Variants in RUNX2 observed in about 807,000 individuals in gnomAD.
RUNX2 encodes the protein runt-related transcription factor 2.
Under a neutral mutation model 51.7 loss-of-function variants are expected in RUNX2, and 10 were observed. That is an observed-to-expected ratio of 0.19 (90% CI 0.12 to 0.33). The LOEUF is 0.33. Among genes scored for constraint, RUNX2 ranks in the 10% least tolerant of loss-of-function variants. The probability of loss-of-function intolerance (pLI) is 1.00; values close to 1 mark genes in which losing one functional copy is unlikely to be tolerated. For missense variants in RUNX2, 562 were observed against 691.3 expected (o/e 0.81, Z 2.10); for synonymous variants, 276 against 273.6 (o/e 1.01, Z -0.09).
intron 7 of RUNX2, among the ~76,000 whole-genome samples, chr6:45,530,265 A>G (rs1426962677): frequency 1.3e-5 from 2 of 152,226 alleles, no homozygotes; most frequent in African/African-American, 4.8e-5. Context: ...AAATTATAGA[A>G]TGTCTAGTTA....
intron 5 of RUNX2, among the ~76,000 whole-genome samples, chr6:45,460,810 G>T (rs1799455310): frequency 6.6e-6 from 1 of 152,180 alleles, no homozygotes; most frequent in Non-Finnish European, 1.5e-5. Context: ...AAACCACTTT[G>T]TCTCTCAGAG....
rs553643936 is a variant in RUNX2, at chr6:45,410,980, T to C, written c.59-11613T>C. Among the ~76,000 whole-genome samples the C allele has an allele frequency of 1.9e-4, 29 of 152,296 alleles. No homozygotes were observed. In the South Asian group the frequency reaches 5.8e-3, roughly 30 times the overall value. On this transcript the variant is annotated intron_variant, in intron 2 of 8. Transcript: ENST00000647337. ...TTCCCACTTTTCAGTCTACCCAATC[T>C]TTTAGGATGTGCAGAGAAGAAGTGT...
In RUNX2 at chr6:45,547,341, C is replaced by T; in HGVS notation, c.*36C>T. Reference sequence around the variant, plus strand: ...CAGTGGCCCAGTGGTATCTGGGGGCCACATCCCACACGTATCAATATATAC... The same window carrying T: ...CAGTGGCCCAGTGGTATCTGGGGGCTACATCCCACACGTATCAATATATAC... On this transcript the variant is annotated 3_prime_UTR_variant, in exon 9 of 9. Coordinates refer to ENST00000647337, the MANE Select transcript of RUNX2 (RefSeq NM_001024630.4). The T allele has an allele frequency of 7.0e-7, 1 of 1,436,594 alleles. No individual in the cohort carries two copies. Among genetic ancestry groups the T allele is most frequent in the South Asian group, 1.1e-5 (1 of 87,480 alleles). 89.0% of individuals were successfully genotyped at this position (1,436,594 alleles called of 1,614,324 possible). A position where few individuals can be genotyped will look rare whatever the true frequency, so the allele number is the denominator to read the frequency against.
chr6:45,362,594 C>T (rs1337969952), intron 2 of RUNX2, among the ~76,000 whole-genome samples: 4 of 152,000 alleles, frequency 2.6e-5, no homozygotes, highest in Non-Finnish European at 4.4e-5. Flanking sequence ...CAATTTTGGC[C>T]CTATTTCCCT....
At chr6:45,422,514 T>G in intron 2 of RUNX2, 79 bp from the exon 3 acceptor site, 1 of 796,928 alleles carries the variant, frequency 1.3e-6, no homozygotes. Flanking sequence ...AATTTCCTCC[T>G]TGCCCCTCAT....
At chr6:45,426,600 G>GT (rs1258624407) in intron 3 of RUNX2, among the ~76,000 whole-genome samples, 1 of 152,160 alleles carries the variant, frequency 6.6e-6, no homozygotes, top group African/African-American at 2.4e-5. Flanking sequence ...ACTAAAAGTA[G>GT]TTCAAGTCTA....
At chr6:45,413,783 T>C (rs1451134743) in intron 2 of RUNX2, among the ~76,000 whole-genome samples, 1 of 152,118 alleles carries the variant, frequency 6.6e-6, no homozygotes, top group Non-Finnish European at 1.5e-5. Flanking sequence ...TTTGTACTTA[T>C]ATTTAATAAC....
In RUNX2 at chr6:45,482,965, GGTTTAT is replaced by G. The variant is rs1800158206; in HGVS notation, c.686-8973_686-8968del. Among the ~76,000 whole-genome samples, 5 of 152,122 alleles carry G rather than the reference GGTTTAT, an allele frequency of 3.3e-5. No individual in the cohort carries two copies. In the South Asian group the frequency reaches 8.3e-4, roughly 25 times the overall value. ...TTATGATTTTTTTCCTTTAGAAATT[GGTTTAT>G]GTATTAAGAAGGGCCCTTAGAGAGA... On this transcript the variant is annotated intron_variant, in intron 5 of 8. Coordinates refer to ENST00000647337, the MANE Select transcript of RUNX2 (RefSeq NM_001024630.4).
chr6:45,524,581 C>CA (rs1801613817), intron 7 of RUNX2, among the ~76,000 whole-genome samples: 1 of 152,000 alleles, frequency 6.6e-6, no homozygotes, highest in Non-Finnish European at 1.5e-5. Context: ...TGACCTGTGC[C>CA]AAGGAGAGCA....
chr6:45,329,915 C>T (rs1368208974), intron 2 of RUNX2, among the ~76,000 whole-genome samples: 3 of 151,746 alleles, frequency 2.0e-5, no homozygotes, highest in African/African-American at 7.3e-5. Flanking sequence ...TAAAATAAAC[C>T]TTCTTGCTGT....
intron 2 of RUNX2, among the ~76,000 whole-genome samples, chr6:45,412,575 C>T (rs1797973824): frequency 6.6e-6 from 1 of 152,144 alleles, no homozygotes; most frequent in Non-Finnish European, 1.5e-5. Context: ...TAAATATATT[C>T]TCTGGGCAAA....
chr6:45,489,060 CTCTTCAATGTACTTTGT>C (rs572550983), intron 5 of RUNX2, among the ~76,000 whole-genome samples: 1 of 152,132 alleles, frequency 6.6e-6, no homozygotes. Context: ...TTGGCTTTTG[CTCTTCAATGTACTTTGT>C]TCTTCAATGT....
intron 3 of RUNX2, among the ~76,000 whole-genome samples, chr6:45,425,731 C>T (rs1336985920): frequency 6.6e-6 from 1 of 152,102 alleles, no homozygotes; most frequent in Non-Finnish European, 1.5e-5. Context: ...TATACTCTTA[C>T]AATATAATCA....
Position 45,526,010 on chromosome 6 carries a change from A to G in RUNX2, c.1021+13603A>G, listed in dbSNP as rs974931436. The stretch of plus-strand genomic sequence containing the variant: ...CTCCAAAAAAAAAAAAGAAAACTAA[A>G]TACCACCATCAATAATAACACTAAA... On this transcript the variant is annotated intron_variant, in intron 7 of 8. Coordinates refer to ENST00000647337, the MANE Select transcript of RUNX2 (RefSeq NM_001024630.4). Among the ~76,000 whole-genome samples, 16 of 152,238 alleles carry G rather than the reference A, an allele frequency of 1.1e-4. No homozygotes were observed. In the South Asian group the frequency reaches 2.5e-3, roughly 24 times the overall value.
At chr6:45,392,769 G>A (rs1056071935) in intron 2 of RUNX2, among the ~76,000 whole-genome samples, 9 of 151,574 alleles carry the variant, frequency 5.9e-5, no homozygotes, top group African/African-American at 2.2e-4. Flanking sequence ...CTAAGGTTTA[G>A]TGTCTCTCAT....
intron 7 of RUNX2, among the ~76,000 whole-genome samples, chr6:45,538,384 C>T (rs1802104659): frequency 2.0e-5 from 3 of 152,022 alleles, no homozygotes; most frequent in South Asian, 4.1e-4. Flanking sequence ...CACATGTGTA[C>T]AACCTTCTGC....
At chr6:45,438,237 G>A (rs975912655) in intron 5 of RUNX2, among the ~76,000 whole-genome samples, 186 bp downstream of exon 5, 1 of 152,018 alleles carries the variant, frequency 6.6e-6, no homozygotes, top group Non-Finnish European at 1.5e-5. Context: ...ATAAAACTAC[G>A]GTTTTAACCT....
intron 6 of RUNX2, among the ~76,000 whole-genome samples, chr6:45,507,305 C>G (rs1192093756): frequency 6.6e-6 from 1 of 152,130 alleles, no homozygotes; most frequent in Non-Finnish European, 1.5e-5. Context: ...GTAGGTTTGT[C>G]TCAGAGCTAG....
At chr6:45,503,500 C>A (rs759492080) in intron 6 of RUNX2, among the ~76,000 whole-genome samples, 13 of 152,164 alleles carry the variant, frequency 8.5e-5, no homozygotes, top group Non-Finnish European at 1.0e-4. Context: ...CTGATTTGAA[C>A]CTGAATTTAC....
Sources: allele counts gnomAD v4.1 joint callset (sites outside exome capture counted in the v4.1 genomes callset), GRCh38; gene constraint gnomAD v4.1.1; transcripts MANE v1.5; gene names NCBI Gene and HGNC (gene_info 2026-07-23, HGNC 2026-07-21).